KDM4B: variants seen among roughly 807,000 people sequenced by gnomAD.
The protein encoded by KDM4B is lysine-specific demethylase 4B.
Under a neutral mutation model 125.2 loss-of-function variants are expected in KDM4B, and 32 were observed. That is an observed-to-expected ratio of 0.26 (90% confidence interval 0.19 to 0.34). KDM4B has a LOEUF of 0.34. Ranked by LOEUF, KDM4B falls within the 10% of genes least tolerant of loss-of-function variation. The pLI is 1.00. For missense variants in KDM4B, 1,190 were observed against 1,577.7 expected, an observed-to-expected ratio of 0.75 and a Z score of 4.16; for synonymous variants, 721 against 677.9, an observed-to-expected ratio of 1.06 and a Z score of -0.99.
intron 11 of KDM4B, 93 bp from the exon 12 acceptor site, chr19:5,130,983 C>A: frequency 1.0e-6 from 1 of 964,520 alleles, no homozygotes; most frequent in Non-Finnish European, 1.5e-6. Flanking sequence ...AGCCCTCGAC[C>A]ATCCCAGTCA....
At chr19:5,006,418 C>T (rs2035561424) in intron 1 of KDM4B, among the ~76,000 whole-genome samples, 1 of 152,168 alleles carries the variant, frequency 6.6e-6, no homozygotes, top group South Asian at 2.1e-4. Flanking sequence ...CTCGTGTTGC[C>T]ACATCATCTG....
At chr19:5,139,325 T>A (rs2039701548) in intron 18 of KDM4B, among the ~76,000 whole-genome samples, 1 of 152,122 alleles carries the variant, frequency 6.6e-6, no homozygotes, top group South Asian at 2.1e-4. Flanking sequence ...ATGGACGACG[T>A]TGTGTTGATC....
chr19:5,105,007 C>T (rs184121605), intron 9 of KDM4B, among the ~76,000 whole-genome samples: 79 of 152,306 alleles, frequency 5.2e-4, no homozygotes, highest in African/African-American at 1.7e-3. Context: ...CCGGGAGAGT[C>T]GCACCCCCTG....
chr19:5,057,949 G>T (rs2037462396), intron 6 of KDM4B, among the ~76,000 whole-genome samples: 1 of 152,248 alleles, frequency 6.6e-6, no homozygotes, highest in African/African-American at 2.4e-5. Flanking sequence ...GGTGTCCAAG[G>T]TCGCCCTGGG....
rs184506948 is a variant in KDM4B at position 5,032,562 on chromosome 19, G to A, written c.-25-304G>A. Among the ~76,000 whole-genome samples, 10 of 152,346 alleles carry A rather than the reference G, an allele frequency of 6.6e-5. No homozygotes were observed. The South Asian group carries it at 1.0e-3, about 16-fold the overall frequency. On this transcript the variant is annotated intron_variant, in intron 2 of 22. Coordinates refer to ENST00000159111, the MANE Select transcript of KDM4B (RefSeq NM_015015.3). ...GACACACCTGTGGCGTCCCTGATAC[G>A]TAAACCTTTCTCTCCGAGGCCCCGC...
At chr19:5,106,094 G>A (rs769489691) in intron 9 of KDM4B, among the ~76,000 whole-genome samples, 29 of 152,210 alleles carry the variant, frequency 1.9e-4, no homozygotes, top group Admixed American at 3.3e-4. Flanking sequence ...ATTCATGACC[G>A]TGCATTTTGT....
At chr19:5,024,469 C>T (rs979538073) in intron 2 of KDM4B, among the ~76,000 whole-genome samples, 13 of 152,134 alleles carry the variant, frequency 8.5e-5, no homozygotes, top group African/African-American at 2.2e-4. Context: ...CCTGCTCAGC[C>T]GGGCCGGAAG....
chr19:5,137,555 G>A, intron 16 of KDM4B, 66 bp from the exon 17 acceptor site: 1 of 1,485,790 alleles, frequency 6.7e-7, no homozygotes, highest in Non-Finnish European at 9.2e-7. Context: ...GGCAGATCAG[G>A]CCCCAAGCAG....
intron 6 of KDM4B, among the ~76,000 whole-genome samples, chr19:5,070,069 A>G (rs888134664): frequency 2.0e-5 from 3 of 152,150 alleles, no homozygotes; most frequent in Admixed American, 2.0e-4. Context: ...TGACTGTTCT[A>G]GAACGGGAGC....
chr19:5,033,110 G>A (rs1469677231), intron 3 of KDM4B, 79 bp downstream of exon 3: 57 of 1,540,878 alleles, frequency 3.7e-5, no homozygotes, highest in Non-Finnish European at 5.0e-5. Flanking sequence ...TCCCAGCTCA[G>A]CCAGCCCCAC....
In KDM4B at chr19:5,134,064, G is replaced by A. The variant is rs763590585; in HGVS notation, c.2085+3G>A. On this transcript the variant is annotated splice_donor_region_variant and intron_variant, in intron 14 of 22. Coordinates refer to ENST00000159111, the MANE Select transcript of KDM4B (RefSeq NM_015015.3). The stretch of plus-strand genomic sequence containing the variant: ...CGCTCTTCTACCCCTACTGCCAGGT[G>A]GGCAGGCGGGCCTCACGGGTCCCAG... 19 of 1,580,878 alleles carry A rather than the reference G, an allele frequency of 1.2e-5. No individual in the cohort carries two copies. Among genetic ancestry groups the A allele is most frequent in the African/African-American group, 1.3e-5 (1 of 74,476 alleles).
Position 5,082,346 on chromosome 19 carries a change from C to T in KDM4B, c.781-21C>T. ...GCGCCTCTGGTGGCCCTGCCCTCAC[C>T]TGTCTCCTTTCCCTCTGCAGATCAC... On this transcript the variant is annotated intron_variant, in intron 8 of 22. Coordinates refer to ENST00000159111, the MANE Select transcript of KDM4B (RefSeq NM_015015.3). The surrounding 1 kb of genome is among the most constrained non-coding windows in gnomAD (Gnocchi z 5.4). 1.2e-6 allele frequency: 2 copies of T among 1,613,178 alleles called. No individual in the cohort carries two copies. Among genetic ancestry groups the T allele is most frequent in the Non-Finnish European group, 8.5e-7 (1 of 1,179,804 alleles).
intron 17 of KDM4B, 138 bp from the exon 18 acceptor site, chr19:5,137,824 G>T (rs1475572760): frequency 3.8e-6 from 4 of 1,044,330 alleles, no homozygotes; most frequent in Non-Finnish European, 5.5e-6. Context: ...CAGGGCTGAG[G>T]AGGAGCATAC....
intron 9 of KDM4B, among the ~76,000 whole-genome samples, chr19:5,109,454 C>T (rs1035697422): frequency 2.6e-5 from 4 of 152,222 alleles, no homozygotes; most frequent in Non-Finnish European, 5.9e-5. Flanking sequence ...GGCAGAGCCA[C>T]CAAGAACAGT....
intron 2 of KDM4B, among the ~76,000 whole-genome samples, chr19:5,023,758 ATTTT>A (rs148293792): frequency 2.2e-5 from 2 of 89,122 alleles, no homozygotes; most frequent in Admixed American, 1.5e-4. Flanking sequence ...GTCTTTTTGA[ATTTT>A]TTTTTTTTTT....
At chr19:4,993,777 A>AT (rs1017927188) in intron 1 of KDM4B, among the ~76,000 whole-genome samples, 1 of 151,760 alleles carries the variant, frequency 6.6e-6, no homozygotes, top group Non-Finnish European at 1.5e-5. Context: ...CGCCTGGCTA[A>AT]TTTTTTTGAA....
intron 2 of KDM4B, among the ~76,000 whole-genome samples, chr19:5,029,540 C>G (rs2036385520): frequency 6.6e-6 from 1 of 152,216 alleles, no homozygotes; most frequent in Non-Finnish European, 1.5e-5. Flanking sequence ...TCCAAAGGCA[C>G]AAATGGCTGG....
intron 11 of KDM4B, among the ~76,000 whole-genome samples, chr19:5,128,991 C>T (rs898331299): frequency 3.3e-5 from 5 of 152,126 alleles, no homozygotes; most frequent in African/African-American, 7.2e-5. Context: ...GGGAGGAGCC[C>T]GGCCAGTGCC....
intron 6 of KDM4B, among the ~76,000 whole-genome samples, chr19:5,048,789 G>A (rs1026981830): frequency 4.6e-5 from 7 of 152,244 alleles, no homozygotes; most frequent in African/African-American, 1.7e-4. Context: ...GCAGCGGGAC[G>A]CCCATGGTGT....
Sources: allele counts gnomAD v4.1 joint callset (sites outside exome capture counted in the v4.1 genomes callset), GRCh38; gene constraint gnomAD v4.1.1; non-coding constraint Gnocchi (gnomAD v3.1); transcripts MANE v1.5; gene names NCBI Gene and HGNC (gene_info 2026-07-23, HGNC 2026-07-21).